Variants in DMD observed in about 807,000 individuals in gnomAD.
The protein encoded by DMD is dystrophin, also known as mutant dystrophin.
DMD carries 63 observed loss-of-function variants against 330.1 expected under a neutral mutation model. The ratio of observed to expected loss-of-function variants is 0.19; its 90% CI spans 0.16 to 0.24. The LOEUF (loss-of-function observed/expected upper bound fraction) is 0.24. Among genes scored for constraint, DMD ranks in the 10% least tolerant of loss-of-function variants. The pLI, the probability that DMD is intolerant of heterozygous loss-of-function variation, is 1.00. For synonymous variants in DMD, 1,223 were observed against 959.8 expected, an observed-to-expected ratio of 1.27 and a Z score of -5.07; for missense variants, 3,344 against 2,684.1, an observed-to-expected ratio of 1.25 and a Z score of -5.43.
intron 4 of DMD, among the ~76,000 whole-genome samples, chrX:32,834,192 G>A (rs762550898): frequency 1.1e-4 from 12 of 111,482 alleles, no homozygotes; most frequent in Non-Finnish European, 2.1e-4. Context: ...TACCTCTTCT[G>A]CAAACTTGAG....
chrX:31,741,459 T>C (rs2087330981), intron 51 of DMD, among the ~76,000 whole-genome samples: 1 of 111,946 alleles, frequency 8.9e-6, no homozygotes, highest in African/African-American at 3.2e-5. Flanking sequence ...AGAATGGATG[T>C]TGTGTTAGCA....
intron 4 of DMD, among the ~76,000 whole-genome samples, chrX:32,844,556 T>C (rs1441050438): frequency 8.9e-6 from 1 of 111,890 alleles, no homozygotes; most frequent in Non-Finnish European, 1.9e-5. Flanking sequence ...GCCTATCAGG[T>C]CAGGTCTATG....
At chrX:32,625,296 C>T (rs1315690803) in intron 11 of DMD, among the ~76,000 whole-genome samples, 1 of 111,970 alleles carries the variant, frequency 8.9e-6, no homozygotes, top group Non-Finnish European at 1.9e-5. Context: ...GGACACTAGT[C>T]AGGTGGGAAT....
intron 28 of DMD, among the ~76,000 whole-genome samples, chrX:32,439,776 G>A (rs1014647731): frequency 1.8e-5 from 2 of 110,827 alleles, no homozygotes; most frequent in Admixed American, 1.9e-4. Flanking sequence ...TTTCACTGTG[G>A]AATTTCATTT....
chrX:33,237,803 T>C (rs753506352), intron 1 of DMD, among the ~76,000 whole-genome samples: 6 of 112,332 alleles, frequency 5.3e-5, no homozygotes, highest in Non-Finnish European at 1.1e-4. Context: ...TTGTACTTGA[T>C]TGTCAATTAA....
intron 44 of DMD, among the ~76,000 whole-genome samples, chrX:32,188,100 T>C (rs745516893): frequency 9.0e-5 from 10 of 111,062 alleles, no homozygotes; most frequent in Non-Finnish European, 1.5e-4. Flanking sequence ...TGTGTAGTTA[T>C]TACTAGTGGA....
intron 2 of DMD, among the ~76,000 whole-genome samples, chrX:32,866,725 G>T (rs80331794): frequency 0.096 from 2,438 of 25,447 alleles, 123 homozygotes; most frequent in African/African-American, 0.23. Flanking sequence ...ACTTTTTTTT[G>T]GGGGGGGGTG....
In DMD at chrX:32,038,714, T is replaced by C. The variant is rs140664611; in HGVS notation, c.6439-70200A>G. Among the ~76,000 whole-genome samples, 982 of 110,801 alleles carry C rather than the reference T, an allele frequency of 8.9e-3. 7 individuals are homozygous for C. Among genetic ancestry groups the C allele is most frequent in the Middle Eastern group, 0.019 (4 of 212 alleles). On this transcript the variant is annotated intron_variant, in intron 44 of 78. Transcript: ENST00000357033. ...TGACGACTTCAGGGAAACATGCCAA[T>C]GAAAAAATCAAGTTAAATCATTACA...
At chrX:31,915,225 C>T (rs933194104) in intron 47 of DMD, among the ~76,000 whole-genome samples, 10 of 85,942 alleles carry the variant, frequency 1.2e-4, no homozygotes, top group African/African-American at 6.3e-4. Flanking sequence ...CTTGGGAAGG[C>T]ACTGTGTGTT....
At chrX:32,262,917 T>G (rs911786862) in intron 43 of DMD, among the ~76,000 whole-genome samples, 15 of 111,722 alleles carry the variant, frequency 1.3e-4, no homozygotes, top group Middle Eastern at 4.6e-3. Flanking sequence ...GATAAGATCT[T>G]CCATTTCACT....
intron 45 of DMD, among the ~76,000 whole-genome samples, chrX:31,935,553 T>C (rs113034141): frequency 0.055 from 6,125 of 111,368 alleles, 396 homozygotes; most frequent in African/African-American, 0.19. Context: ...GTCTAGATTT[T>C]GAGGGTCTAT....
chrX:32,899,225 A>T (rs2086002028), intron 2 of DMD, among the ~76,000 whole-genome samples: 1 of 112,377 alleles, frequency 8.9e-6, no homozygotes, highest in Non-Finnish European at 1.9e-5. Context: ...GTATGCATTT[A>T]GATCTTTGCT....
At chrX:31,575,639 G>T (rs1050671858) in intron 55 of DMD, among the ~76,000 whole-genome samples, 1 of 111,895 alleles carries the variant, frequency 8.9e-6, no homozygotes, top group Non-Finnish European at 1.9e-5. Context: ...TTGTGTGAAG[G>T]TAAGTAAGTG....
At chrX:32,723,426 C>T (rs1294280282) in intron 7 of DMD, among the ~76,000 whole-genome samples, 2 of 111,155 alleles carry the variant, frequency 1.8e-5, no homozygotes, top group African/African-American at 6.5e-5. Flanking sequence ...TAGGGTGATG[C>T]TGAAGTCATA....
intron 62 of DMD, among the ~76,000 whole-genome samples, chrX:31,311,451 TG>T (rs772465935): frequency 2.7e-5 from 3 of 111,799 alleles, no homozygotes; most frequent in South Asian, 7.5e-4. Context: ...GAAGCCCTGA[TG>T]GAGGTGGTGG....
At chrX:33,182,152 G>A (rs1247774941) in intron 1 of DMD, among the ~76,000 whole-genome samples, 2 of 112,292 alleles carry the variant, frequency 1.8e-5, no homozygotes, top group East Asian at 2.8e-4. Context: ...AAACCGAATC[G>A]ATAACAGCAC....
rs567789728 is a variant in DMD at position 32,325,599 on chromosome X, T to C, written c.5923-15323A>G. Among the ~76,000 whole-genome samples the C allele has an allele frequency of 3.1e-4, 34 of 111,392 alleles. No homozygotes were observed. The South Asian group carries it at 7.9e-3, about 26-fold the overall frequency. ...AATTTCACATCATCACCTAAAACCA[T>C]ATTGGTGCCCCTCACTGCATACCCA... On this transcript the variant is annotated intron_variant, in intron 41 of 78. Coordinates refer to ENST00000357033, the MANE Select transcript of DMD (RefSeq NM_004006.3).
chrX:33,085,259 GACTT>G (rs2148271491), intron 1 of DMD, among the ~76,000 whole-genome samples: 1 of 111,420 alleles, frequency 9.0e-6, no homozygotes, highest in East Asian at 2.8e-4. Flanking sequence ...AAATAATATT[GACTT>G]ACTTATATAT....
rs916106158 is a variant in DMD at position 32,012,719 on chromosome X, G to A, written c.6439-44205C>T. 8.1e-5 allele frequency among the ~76,000 whole-genome samples: 9 copies of A among 110,890 alleles called. No homozygotes were observed. The East Asian group carries it at 1.7e-3, about 21-fold the overall frequency. The stretch of plus-strand genomic sequence containing the variant: ...TTTTACTGGGATAGGACACAGGGCA[G>A]TTCATTTAGGAACAGAGTGATAATC... On this transcript the variant is annotated intron_variant, in intron 44 of 78. Coordinates refer to ENST00000357033, the MANE Select transcript of DMD (RefSeq NM_004006.3).
Sources: allele counts gnomAD v4.1 joint callset (sites outside exome capture counted in the v4.1 genomes callset), GRCh38; gene constraint gnomAD v4.1.1; transcripts MANE v1.5; gene names NCBI Gene and HGNC (gene_info 2026-07-23, HGNC 2026-07-21).